Variants in LRMDA observed in about 807,000 individuals in gnomAD.
The protein encoded by LRMDA is leucine-rich melanocyte differentiation-associated protein.
In LRMDA, 18 loss-of-function variants were observed where a neutral mutation model predicts 29.8. The ratio of observed to expected loss-of-function variants is 0.60; its 90% CI spans 0.42 to 0.90. LRMDA has a LOEUF of 0.90. Ranked by LOEUF, LRMDA falls within the 40% of genes least tolerant of loss-of-function variation. The pLI, the probability that LRMDA is intolerant of heterozygous loss-of-function variation, is 0.00. For synonymous variants in LRMDA, 125 were observed against 109.4 expected (o/e 1.14, Z -0.89); for missense variants, 273 against 273.9 (o/e 1.00, Z 0.02).
At chr10:75,603,134 A>G (rs1032499609) in intron 2 of LRMDA, among the ~76,000 whole-genome samples, 1 of 151,530 alleles carries the variant, frequency 6.6e-6, no homozygotes, top group Non-Finnish European at 1.5e-5. Context: ...TGGCTTATAT[A>G]TTTCAGGATC....
intron 6 of LRMDA, among the ~76,000 whole-genome samples, chr10:76,544,710 GCACACACACACACACACACACA>G (rs71028204): frequency 4.1e-5 from 6 of 145,300 alleles, no homozygotes; most frequent in African/African-American, 1.5e-4. Context: ...ATATATACAT[GCACACACACACACACACACACA>G]CACACACACA....
At chr10:76,540,794 G>C (rs770105353) in intron 6 of LRMDA, among the ~76,000 whole-genome samples, 3 of 152,130 alleles carry the variant, frequency 2.0e-5, no homozygotes, top group Non-Finnish European at 4.4e-5. Flanking sequence ...TTGTTTTACT[G>C]TTTATTCGAG....
chr10:76,317,617 A>C (rs943984649), intron 5 of LRMDA, among the ~76,000 whole-genome samples: 3 of 152,234 alleles, frequency 2.0e-5, no homozygotes. Context: ...TCTGTCACCC[A>C]GGCTGGAGTG....
chr10:75,515,328 G>T (rs544283209), intron 2 of LRMDA, among the ~76,000 whole-genome samples: 1 of 152,182 alleles, frequency 6.6e-6, no homozygotes, highest in Non-Finnish European at 1.5e-5. Flanking sequence ...CATTGTGAAT[G>T]TGCAAATGTC....
chr10:75,750,685 G>A (rs560757749), intron 2 of LRMDA, among the ~76,000 whole-genome samples: 130 of 141,392 alleles, frequency 9.2e-4, no homozygotes, highest in South Asian at 5.5e-3. Context: ...ACGGGATGGC[G>A]GCCGGCCAGA....
chr10:75,834,011 T>C (rs893902089), intron 2 of LRMDA, among the ~76,000 whole-genome samples: 15 of 152,176 alleles, frequency 9.9e-5, no homozygotes, highest in Non-Finnish European at 1.5e-4. Context: ...CTCCACCCAC[T>C]GGGTCATCCT....
intron 5 of LRMDA, among the ~76,000 whole-genome samples, chr10:76,179,265 A>G (rs1850998492): frequency 6.6e-6 from 1 of 151,950 alleles, no homozygotes; most frequent in Non-Finnish European, 1.5e-5. Flanking sequence ...AGTAGAGGAC[A>G]TTTCCCTGTT....
chr10:75,655,098 G>A (rs1232753149), intron 2 of LRMDA, among the ~76,000 whole-genome samples: 1 of 152,310 alleles, frequency 6.6e-6, no homozygotes, highest in East Asian at 1.9e-4. Context: ...TTAGGATTTG[G>A]CTATAATCCA....
chr10:76,139,010 G>A (rs1294735538), intron 5 of LRMDA, among the ~76,000 whole-genome samples: 6 of 152,080 alleles, frequency 3.9e-5, no homozygotes, highest in African/African-American at 7.2e-5. Context: ...GTGCCCTTTA[G>A]TTTGGTGTGT....
rs1374845530 is a variant in LRMDA, at chr10:76,097,374, A to G, written c.516+38591A>G. Among the ~76,000 whole-genome samples, 5 of 152,320 alleles carry G rather than the reference A, an allele frequency of 3.3e-5. No individual in the cohort carries two copies. In the East Asian group the frequency reaches 9.6e-4, roughly 29 times the overall value. ...GTTTCAATTCTTAGATTCTTTAATT[A>G]TTTTTATTGCCTTATTCTACCACTT... On this transcript the variant is annotated intron_variant, in intron 5 of 6. Coordinates refer to ENST00000611255, the MANE Select transcript of LRMDA (RefSeq NM_001305581.2).
At chr10:75,785,681 G>C (rs545290880) in intron 2 of LRMDA, among the ~76,000 whole-genome samples, 1 of 152,174 alleles carries the variant, frequency 6.6e-6, no homozygotes, top group Admixed American at 6.5e-5. Flanking sequence ...TTAATTTCGG[G>C]TAATGAAGAT....
intron 2 of LRMDA, among the ~76,000 whole-genome samples, chr10:75,697,267 T>C (rs1842246811): frequency 6.6e-6 from 1 of 152,172 alleles, no homozygotes; most frequent in African/African-American, 2.4e-5. Context: ...AATTTGTCTG[T>C]TTCAGTAGAG....
At chr10:76,000,773 C>T (rs370163119) in intron 2 of LRMDA, among the ~76,000 whole-genome samples, 6 of 152,222 alleles carry the variant, frequency 3.9e-5, no homozygotes, top group Non-Finnish European at 7.4e-5. Context: ...GGGGCCCCTC[C>T]GTGCCCTGCA....
chr10:75,856,647 A>G (rs1844832241), intron 2 of LRMDA, among the ~76,000 whole-genome samples: 1 of 152,100 alleles, frequency 6.6e-6, no homozygotes, highest in Non-Finnish European at 1.5e-5. Flanking sequence ...CATGCTAAAA[A>G]CTCTCAATAA....
At chr10:75,561,780 T>C (rs1050632681) in intron 2 of LRMDA, among the ~76,000 whole-genome samples, 6 of 151,950 alleles carry the variant, frequency 3.9e-5, no homozygotes, top group African/African-American at 9.7e-5. Context: ...GCCTTCATTT[T>C]GTTATGTACC....
At chr10:76,023,167 A>G (rs1484864418) in intron 2 of LRMDA, among the ~76,000 whole-genome samples, 1 of 151,766 alleles carries the variant, frequency 6.6e-6, no homozygotes, top group Non-Finnish European at 1.5e-5. Flanking sequence ...ATGGCTTCTT[A>G]TCTTGGCAGG....
intron 5 of LRMDA, among the ~76,000 whole-genome samples, chr10:76,232,708 A>C (rs1040425387): frequency 2.6e-5 from 4 of 152,172 alleles, no homozygotes; most frequent in African/African-American, 7.2e-5. Context: ...TCTTGCACCC[A>C]AGAAAAATAA....
Position 75,588,423 on chromosome 10 carries a change from T to A in LRMDA, c.131+149929T>A, listed in dbSNP as rs1166953701. Among the ~76,000 whole-genome samples the A allele has an allele frequency of 3.9e-5, 6 of 152,330 alleles. No individual in the cohort carries two copies. The East Asian group carries it at 1.2e-3, about 29-fold the overall frequency. On this transcript the variant is annotated intron_variant, in intron 2 of 6. Transcript: ENST00000611255. ...GCATGCTGGGTTGTATATGTTAAGT[T>A]GTGTAATTTTCCTTTCAGTCTAAGT...
chr10:75,499,312 T>G (rs375837722), intron 2 of LRMDA, among the ~76,000 whole-genome samples: 3 of 152,196 alleles, frequency 2.0e-5, no homozygotes, highest in African/African-American at 7.2e-5. Context: ...TCCCTGCCTG[T>G]GTATCTTTTC....
Sources: allele counts gnomAD v4.1 joint callset (sites outside exome capture counted in the v4.1 genomes callset), GRCh38; gene constraint gnomAD v4.1.1; transcripts MANE v1.5; gene names NCBI Gene and HGNC (gene_info 2026-07-23, HGNC 2026-07-21).